SAMD4A: variants seen among roughly 807,000 people sequenced by gnomAD.
SAMD4A encodes sterile alpha motif domain containing 4A, also known as protein Smaug homolog 1.
Under a neutral mutation model 81.3 loss-of-function variants are expected in SAMD4A, and 33 were observed. That is an observed-to-expected ratio of 0.41 (90% CI 0.31 to 0.54). The LOEUF (loss-of-function observed/expected upper bound fraction) is 0.54, where lower values mean the gene tolerates loss of function less well. SAMD4A is among the 20% of genes least tolerant of loss of function. SAMD4A has a pLI of 0.37. For missense variants in SAMD4A, 854 were observed against 951.1 expected (o/e 0.90, Z 1.34); for synonymous variants, 389 against 382.1 (o/e 1.02, Z -0.21).
Position 54,568,108 on chromosome 14 carries a change from C to T in SAMD4A, c.192C>T (p.Ser64=). The T allele has an allele frequency of 1.3e-6, 2 of 1,522,914 alleles. No individual in the cohort carries two copies. The highest frequency in any genetic ancestry group is 1.7e-6 in the Non-Finnish European group (2 of 1,143,236). 94.3% of individuals were successfully genotyped at this position (1,522,914 alleles called of 1,614,324 possible). A position where few individuals can be genotyped will look rare whatever the true frequency, so the allele number is the denominator to read the frequency against. Residue 64 remains serine, a synonymous_variant, in exon 2 of 13, where the codon AGC becomes AGT. Coordinates refer to ENST00000554335, the MANE Select transcript of SAMD4A (RefSeq NM_015589.6). ...ACGTCCTCGAACGCGAGGCCAACAG[C>T]CCCGGTAAGTGTGCGGCGGCCGCCG... ...ELHVLEREAN[S]PGIINQWQQE...
intron 3 of SAMD4A, among the ~76,000 whole-genome samples, chr14:54,735,477 G>A (rs982291410): frequency 9.9e-5 from 15 of 152,070 alleles, no homozygotes; most frequent in East Asian, 1.9e-4. Flanking sequence ...TACTAAACTC[G>A]GTAGCTCTCT....
intron 2 of SAMD4A, among the ~76,000 whole-genome samples, chr14:54,655,125 G>A (rs569454848): frequency 3.3e-5 from 5 of 152,276 alleles, no homozygotes; most frequent in East Asian, 1.9e-4. Flanking sequence ...ATACTTACAC[G>A]TCCAAGCTCA....
intron 12 of SAMD4A, 136 bp from the exon 13 acceptor site, chr14:54,788,780 C>T (rs757609882): frequency 5.0e-5 from 51 of 1,017,270 alleles, no homozygotes; most frequent in Admixed American, 7.1e-5. Context: ...TATGTAAATG[C>T]GTGAACACAT....
At chr14:54,598,345 C>A (rs2033967207) in intron 2 of SAMD4A, among the ~76,000 whole-genome samples, 1 of 152,160 alleles carries the variant, frequency 6.6e-6, no homozygotes, top group Non-Finnish European at 1.5e-5. Flanking sequence ...TAGTTACATG[C>A]AAATACACAA....
At chr14:54,784,070 C>G (rs1211182418) in intron 11 of SAMD4A, among the ~76,000 whole-genome samples, 2 of 152,082 alleles carry the variant, frequency 1.3e-5, no homozygotes, top group Non-Finnish European at 2.9e-5. Context: ...GATGATAGAG[C>G]CAGAAATGTG....
intron 11 of SAMD4A, among the ~76,000 whole-genome samples, chr14:54,781,117 A>G (rs886498641): frequency 6.6e-6 from 1 of 152,086 alleles, no homozygotes; most frequent in Non-Finnish European, 1.5e-5. Flanking sequence ...ACACCTTTCT[A>G]GTTATCCAAC....
chr14:54,647,151 A>G (rs1158820114), intron 2 of SAMD4A, among the ~76,000 whole-genome samples: 1 of 152,216 alleles, frequency 6.6e-6, no homozygotes, highest in Admixed American at 6.5e-5. Flanking sequence ...TTCCACAAGT[A>G]TTATTTAAGT....
At position 54,791,666 on chromosome 14, in the gene SAMD4A, TTTAAG is replaced by T. The variant is rs962508340; in HGVS notation, c.*2725_*2729del. On this transcript the variant is annotated 3_prime_UTR_variant, in exon 13 of 13. Coordinates refer to ENST00000554335, the MANE Select transcript of SAMD4A (RefSeq NM_015589.6). ...TTGCTATTAGTGTTTTAATTTTTTT[TTTAAG>T]TTGAGTGTTTGATAAATTTTAAGAC... The T allele has an allele frequency of 6.6e-6, 1 of 152,216 alleles. No homozygotes were observed. Among genetic ancestry groups the T allele is most frequent in the African/African-American group, 2.4e-5 (1 of 41,460 alleles). The allele number at this position is 152,216 out of a possible 1,614,324, so 9.4% of individuals were successfully genotyped here. A position where few individuals can be genotyped will look rare whatever the true frequency, so the allele number is the denominator to read the frequency against.
chr14:54,682,882 A>G (rs2036162138), intron 2 of SAMD4A, among the ~76,000 whole-genome samples: 1 of 152,228 alleles, frequency 6.6e-6, no homozygotes, highest in Admixed American at 6.5e-5. Flanking sequence ...ATGAACAAGG[A>G]TAAACATGGG....
intron 9 of SAMD4A, among the ~76,000 whole-genome samples, chr14:54,771,243 T>C (rs1566631049): frequency 6.6e-6 from 1 of 152,228 alleles, no homozygotes; most frequent in Non-Finnish European, 1.5e-5. Context: ...AACAAACATT[T>C]ATTTAGCACT....
chr14:54,772,503 ACAGCT>A (rs1394315382), intron 9 of SAMD4A, among the ~76,000 whole-genome samples: 23 of 152,148 alleles, frequency 1.5e-4, no homozygotes, highest in African/African-American at 5.3e-4. Flanking sequence ...CCTCCCCTAT[ACAGCT>A]GAGTCCTAAG....
chr14:54,649,627 G>A (rs762677492), intron 2 of SAMD4A, among the ~76,000 whole-genome samples: 1 of 152,184 alleles, frequency 6.6e-6, no homozygotes, highest in Non-Finnish European at 1.5e-5. Context: ...CCTGCTCCTT[G>A]TGCATGAATG....
intron 3 of SAMD4A, among the ~76,000 whole-genome samples, chr14:54,727,421 T>C (rs541135200): frequency 6.6e-6 from 1 of 152,154 alleles, no homozygotes; most frequent in East Asian, 1.9e-4. Flanking sequence ...ACTCCTGACC[T>C]CAGGTGATCC....
At chr14:54,659,407 C>T (rs969865763) in intron 2 of SAMD4A, among the ~76,000 whole-genome samples, 4 of 152,066 alleles carry the variant, frequency 2.6e-5, no homozygotes, top group East Asian at 1.9e-4. Flanking sequence ...TGTGTGCGTG[C>T]GCACGCACAC....
At chr14:54,621,642 G>T (rs868042462) in intron 2 of SAMD4A, among the ~76,000 whole-genome samples, 1 of 149,422 alleles carries the variant, frequency 6.7e-6, no homozygotes, top group East Asian at 2.0e-4. Flanking sequence ...GATTATAGCC[G>T]TGAGCCACTG....
rs1161581456 is a variant in SAMD4A, at chr14:54,760,144, C to T, written c.1177-17C>T. On this transcript the variant is annotated splice_polypyrimidine_tract_variant and intron_variant, in intron 6 of 12. Coordinates refer to ENST00000554335, the MANE Select transcript of SAMD4A (RefSeq NM_015589.6). ...ATTCCTGAGCCTAACAGAGGTCTTC[C>T]TGCTCTCACCGTCCAGGACATCATC... 1 of 1,606,288 alleles carries T rather than the reference C, an allele frequency of 6.2e-7. No individual in the cohort carries two copies. The highest frequency in any genetic ancestry group is 2.3e-5 in the East Asian group (1 of 44,104).
rs534570678 is a variant in SAMD4A at position 54,706,544 on chromosome 14, G to A, written c.715+3964G>A. Among the ~76,000 whole-genome samples the A allele has an allele frequency of 6.7e-4, 101 of 151,698 alleles. 1 individual carries two copies. Among genetic ancestry groups the A allele is most frequent in the African/African-American group, 2.3e-3 (95 of 41,350 alleles). ...TGCTTGAACCTGGGAGACAGAGGTT[G>A]TAGTGAGCCGAGGTGGTGCCACTGT... On this transcript the variant is annotated intron_variant, in intron 3 of 12. Coordinates refer to ENST00000554335, the MANE Select transcript of SAMD4A (RefSeq NM_015589.6).
In SAMD4A at chr14:54,776,525, A is replaced by C. The variant is rs1272935320; in HGVS notation, c.2029A>C (p.Met677Leu). The change falls in exon 11 of 13, where the codon ATG becomes CTG. Residue 677 changes from methionine to leucine, a missense_variant. Met to Leu is a conservative substitution (Grantham distance 15). Coordinates refer to ENST00000554335, the MANE Select transcript of SAMD4A (RefSeq NM_015589.6). ...GCACACTTCCCCACAGAACATGCTGATGTTCCAGCAGCCAGGTAGGGCCCG... is the reference window on the plus strand; with the variant it reads ...GCACACTTCCCCACAGAACATGCTGCTGTTCCAGCAGCCAGGTAGGGCCCG... ...PVHTSPQNMLMFQQPEFQLPV... is the reference protein window; with the variant it reads ...PVHTSPQNMLLFQQPEFQLPV... 6.4e-7 allele frequency: 1 copy of C among 1,570,946 alleles called. No individual in the cohort carries two copies. The highest frequency in any genetic ancestry group is 8.6e-7 in the Non-Finnish European group (1 of 1,159,992).
intron 4 of SAMD4A, among the ~76,000 whole-genome samples, chr14:54,737,561 T>TTTTTTTTTTTTTTTTTTTTTTTTTTG (rs34263162): frequency 8.2e-6 from 1 of 122,650 alleles, no homozygotes; most frequent in Non-Finnish European, 1.7e-5. Context: ...TTTTTTTTTT[T>TTTTTTTTTTTTTTTTTTTTTTTTTTG]GCATTGCAGT....
Sources: gnomAD v4.1 joint callset for allele counts (sites outside exome capture counted in the v4.1 genomes callset) on GRCh38, gnomAD v4.1.1 for gene constraint, MANE v1.5 for transcripts, NCBI Gene and HGNC (gene_info 2026-07-23, HGNC 2026-07-21) for gene names.